The following ESRRG variants were observed in gnomAD, a reference collection of about 807,000 sequenced individuals.
ESRRG encodes estrogen related receptor gamma.
In ESRRG, 13 loss-of-function variants were observed where a neutral mutation model predicts 44.0. The observed-to-expected ratio is 0.30, with a 90% CI of 0.19 to 0.47. The LOEUF (loss-of-function observed/expected upper bound fraction) is 0.47, where lower values mean the gene tolerates loss of function less well. Among genes scored for constraint, ESRRG ranks in the 20% least tolerant of loss-of-function variants. The probability of loss-of-function intolerance (pLI) is 1.00; values close to 1 mark genes in which losing one functional copy is unlikely to be tolerated. For synonymous variants in ESRRG, 215 were observed against 214.6 expected, an observed-to-expected ratio of 1.00 and a Z score of -0.02; for missense variants, 395 against 580.6, an observed-to-expected ratio of 0.68 and a Z score of 3.29.
At chr1:216,828,025 C>A (rs2095426415) in intron 2 of ESRRG, among the ~76,000 whole-genome samples, 1 of 152,112 alleles carries the variant, frequency 6.6e-6, no homozygotes, top group Non-Finnish European at 1.5e-5. Flanking sequence ...CTACACAAAT[C>A]ATTTCCTACC....
chr1:216,756,742 G>A (rs890881680), intron 2 of ESRRG, among the ~76,000 whole-genome samples: 5 of 151,926 alleles, frequency 3.3e-5, no homozygotes, highest in Admixed American at 6.6e-5. Flanking sequence ...ATAACAGAAA[G>A]CTGAAAATAC....
At chr1:217,106,335 A>G (rs1404382657) in intron 1 of ESRRG, among the ~76,000 whole-genome samples, 1 of 151,902 alleles carries the variant, frequency 6.6e-6, no homozygotes. Context: ...TTCAGCCACC[A>G]TTCGGGAAGC....
intron 3 of ESRRG, among the ~76,000 whole-genome samples, chr1:216,587,794 G>A (rs2056925680): frequency 6.6e-6 from 1 of 152,174 alleles, no homozygotes; most frequent in African/African-American, 2.4e-5. Context: ...AAAACAGGGA[G>A]AGCCTGCAGT....
chr1:216,855,811 G>A (rs954820904), intron 2 of ESRRG, among the ~76,000 whole-genome samples: 1 of 152,080 alleles, frequency 6.6e-6, no homozygotes, highest in Non-Finnish European at 1.5e-5. Context: ...ACAGTTCCCC[G>A]CTTGAAAATG....
In ESRRG at chr1:217,021,841, C is replaced by T. The variant is rs1368302097; in HGVS notation, c.-106+67666G>A. Among the ~76,000 whole-genome samples, 3 of 152,168 alleles carry T rather than the reference C, an allele frequency of 2.0e-5. No individual in the cohort carries two copies. The East Asian group carries it at 5.8e-4, about 29-fold the overall frequency. On this transcript the variant is annotated intron_variant, in intron 1 of 7. Coordinates refer to the ESRRG transcript ENST00000359162. ...TCCTTCGACATCGGATAAAATAACC[C>T]ATCCTAATGCCCTGTCTTCTAAGTG...
chr1:216,937,638 G>A (rs1324935894), intron 2 of ESRRG, among the ~76,000 whole-genome samples: 3 of 152,114 alleles, frequency 2.0e-5, no homozygotes, highest in Non-Finnish European at 2.9e-5. Context: ...AAAAATGGAG[G>A]GGAGGAAGGG....
intron 1 of ESRRG, among the ~76,000 whole-genome samples, chr1:216,966,845 G>C (rs931420432): frequency 1.3e-5 from 2 of 152,016 alleles, no homozygotes; most frequent in South Asian, 2.1e-4. Flanking sequence ...TCCTACAGAG[G>C]GTGGCTGCTT....
chr1:216,846,389 G>A (rs1262701693), intron 2 of ESRRG, among the ~76,000 whole-genome samples: 1 of 152,054 alleles, frequency 6.6e-6, no homozygotes, highest in African/African-American at 2.4e-5. Context: ...TAGAGGAGTT[G>A]GCAAACTTTT....
intron 1 of ESRRG, among the ~76,000 whole-genome samples, chr1:216,960,958 G>A (rs1400625238): frequency 1.3e-5 from 2 of 152,076 alleles, no homozygotes; most frequent in Non-Finnish European, 2.9e-5. Context: ...TGTATTCCTT[G>A]TAGGAACATA....
At chr1:216,873,209 G>GT (rs754735743) in intron 2 of ESRRG, among the ~76,000 whole-genome samples, 23,195 of 105,260 alleles carry the variant, frequency 0.22, 3,258 homozygotes, top group Admixed American at 0.26. Context: ...CATCTTTTCA[G>GT]TTTTTTTTTT....
chr1:216,553,823 A>G (rs77180420), intron 5 of ESRRG, among the ~76,000 whole-genome samples: 1 of 152,154 alleles, frequency 6.6e-6, no homozygotes, highest in Admixed American at 6.6e-5. Flanking sequence ...GGAAAAAAAA[A>G]TAACCTGGCA....
At chr1:216,954,833 T>C (rs901580576) in intron 1 of ESRRG, among the ~76,000 whole-genome samples, 3 of 152,184 alleles carry the variant, frequency 2.0e-5, no homozygotes, top group Non-Finnish European at 4.4e-5. Flanking sequence ...TGAACTTAGC[T>C]GTTCATCTGA....
At chr1:216,926,923 G>A (rs544073837) in intron 2 of ESRRG, among the ~76,000 whole-genome samples, 22 of 152,304 alleles carry the variant, frequency 1.4e-4, no homozygotes, top group Non-Finnish European at 2.4e-4. Context: ...CTCCCTGCAC[G>A]AAGAATAGCC....
Position 216,961,994 on chromosome 1 carries a change from A to C in ESRRG, c.-105-22321T>G, listed in dbSNP as rs1452163148. Among the ~76,000 whole-genome samples, 4 of 152,198 alleles carry C rather than the reference A, an allele frequency of 2.6e-5. No homozygotes were observed. The East Asian group carries it at 5.8e-4, about 22-fold the overall frequency. On this transcript the variant is annotated intron_variant, in intron 1 of 7. Coordinates refer to the ESRRG transcript ENST00000359162. ...ATCATTATTGCAATTATTTTACCTA[A>C]GAAATTATCTGATACTTCTAACCCT...
chr1:216,924,472 GGGCTTT>G (rs1338190943), intron 2 of ESRRG, among the ~76,000 whole-genome samples: 5 of 152,006 alleles, frequency 3.3e-5, no homozygotes, highest in Non-Finnish European at 7.4e-5. Context: ...CCTTCAGCCA[GGGCTTT>G]GGCTTCTTCT....
chr1:216,974,286 C>T (rs1408188259), intron 1 of ESRRG, among the ~76,000 whole-genome samples: 1 of 152,016 alleles, frequency 6.6e-6, no homozygotes, highest in Non-Finnish European at 1.5e-5. Flanking sequence ...TCCCAATTAC[C>T]CTGATTTGAT....
At position 216,677,263 on chromosome 1, in the gene ESRRG, C is replaced by T. The variant is rs777261316; in HGVS notation, c.285G>A (p.Gly95=). The change falls in exon 2 of 7, where the codon GGG becomes GGA. Residue 95 remains glycine (G), a synonymous_variant. Transcript: ENST00000408911. ...YPSAPILGGS[G]PVRKLYDDCS... The stretch of plus-strand genomic sequence containing the variant: ...AGTCATCATACAGTTTCCTGACAGG[C>T]CCACTACCTCCCAGGATAGGAGCAG... 6.2e-7 allele frequency: 1 copy of T among 1,614,130 alleles called. No homozygotes were observed. The highest frequency in any genetic ancestry group is 8.5e-7 in the Non-Finnish European group (1 of 1,180,022).
intron 5 of ESRRG, among the ~76,000 whole-genome samples, chr1:216,539,671 G>A (rs1237999110): frequency 6.6e-6 from 1 of 152,006 alleles, no homozygotes; most frequent in African/African-American, 2.4e-5. Context: ...GATCGCTAGT[G>A]TTTAGCAGAG....
intron 1 of ESRRG, among the ~76,000 whole-genome samples, chr1:216,712,034 C>A (rs1348930133): frequency 6.6e-6 from 1 of 152,142 alleles, no homozygotes; most frequent in African/African-American, 2.4e-5. Context: ...TTTATGATTT[C>A]AAATTTGACC....
Sources: allele counts gnomAD v4.1 joint callset (sites outside exome capture counted in the v4.1 genomes callset), GRCh38; gene constraint gnomAD v4.1.1; transcripts MANE v1.5; gene names NCBI Gene and HGNC (gene_info 2026-07-23, HGNC 2026-07-21).